Variants in SYNE1 observed in about 807,000 individuals in gnomAD.
The protein encoded by SYNE1 is nesprin-1.
A neutral mutation model predicts 1,111.0 loss-of-function variants in SYNE1; 616 were observed. That is an observed-to-expected ratio of 0.55 (90% CI 0.52 to 0.59). The LOEUF is 0.59. SYNE1 is among the 20% of genes least tolerant of loss of function. The pLI is 0.00. For missense variants in SYNE1, 10,006 were observed against 10,417.0 expected (o/e 0.96, Z 1.72); for synonymous variants, 3,855 against 3,825.8 (o/e 1.01, Z -0.28).
At chr6:152,213,397 A>G (rs2077916074) in intron 123 of SYNE1, among the ~76,000 whole-genome samples, 1 of 152,200 alleles carries the variant, frequency 6.6e-6, no homozygotes, top group African/African-American at 2.4e-5. Context: ...CTGAAGATTG[A>G]CACGTGCTTA....
chr6:152,204,680 C>T (rs1036051482), intron 126 of SYNE1, among the ~76,000 whole-genome samples: 2 of 152,154 alleles, frequency 1.3e-5, no homozygotes, highest in South Asian at 2.1e-4. Flanking sequence ...AGAGGGATTC[C>T]TCTTTCCAAG....
chr6:152,467,313 T>G (rs2098776139), intron 16 of SYNE1, among the ~76,000 whole-genome samples: 1 of 152,074 alleles, frequency 6.6e-6, no homozygotes, highest in African/African-American at 2.4e-5. Context: ...TTATATCTTC[T>G]TATTACAACC....
intron 56 of SYNE1, chr6:152,380,712 G>C: frequency 2.5e-6 from 1 of 392,938 alleles, no homozygotes; most frequent in South Asian, 2.4e-5. Flanking sequence ...TTTTCAGACT[G>C]AATGGCTGAA....
At position 152,148,200 on chromosome 6, in the gene SYNE1, G is replaced by T; in HGVS notation, c.24821C>A (p.Thr8274Asn). 3 of 1,614,212 alleles carry T rather than the reference G, an allele frequency of 1.9e-6. No individual in the cohort carries two copies. The highest frequency in any genetic ancestry group is 2.5e-6 in the Non-Finnish European group (3 of 1,180,042). The change falls in exon 137 of 146, where the codon ACC becomes AAC. Residue 8274 changes from threonine (T) to asparagine (N), a missense_variant. Coordinates refer to ENST00000367255, the MANE Select transcript of SYNE1 (RefSeq NM_182961.4). This position sits in a 1 kb window ranked among gnomAD's most constrained non-coding sequence, Gnocchi z 4.1. ...PLRSERSGRD[T>N]PASVDSIPLE... Reference sequence around the variant, plus strand: ...GGGGATGGAGTCCACACTAGCCGGGGTGTCTCGTCCTGACCGCTCGCTCCG... The same window carrying T: ...GGGGATGGAGTCCACACTAGCCGGGTTGTCTCGTCCTGACCGCTCGCTCCG...
At chr6:152,382,869 A>C (rs964774587) in intron 55 of SYNE1, among the ~76,000 whole-genome samples, 2 of 152,198 alleles carry the variant, frequency 1.3e-5, no homozygotes, top group Middle Eastern at 3.2e-3. Flanking sequence ...GGACATCATC[A>C]TTGTCAAGAG....
At chr6:152,139,908 GCTCT>G in intron 140 of SYNE1, 38 bp downstream of exon 140, 1 of 1,576,586 alleles carries the variant, frequency 6.3e-7, no homozygotes, top group East Asian at 2.3e-5. Context: ...TCACGCGGTG[GCTCT>G]CTGTTTGTCC....
intron 27 of SYNE1, 35 bp downstream of exon 27, chr6:152,450,590 A>G: frequency 1.3e-6 from 2 of 1,553,076 alleles, no homozygotes; most frequent in Middle Eastern, 1.8e-4. Flanking sequence ...ATTAAGTTTG[A>G]CTACACCCCT....
chr6:152,605,893 G>A (rs1049831460), intron 3 of SYNE1, among the ~76,000 whole-genome samples: 11 of 151,992 alleles, frequency 7.2e-5, no homozygotes, highest in South Asian at 2.1e-4. Context: ...TAAAATAGGC[G>A]GAGTATGTTA....
At chr6:152,397,736 C>T (rs1001994351) in intron 49 of SYNE1, among the ~76,000 whole-genome samples, 1 of 152,166 alleles carries the variant, frequency 6.6e-6, no homozygotes, top group Non-Finnish European at 1.5e-5. Flanking sequence ...GGCATGGTGG[C>T]TCATGTTTGT....
intron 21 of SYNE1, 75 bp downstream of exon 21, chr6:152,461,522 G>T: frequency 1.3e-6 from 2 of 1,582,852 alleles, no homozygotes; most frequent in Non-Finnish European, 8.7e-7. Context: ...TGCCCATGGG[G>T]AGAAGGAGGT....
intron 101 of SYNE1, among the ~76,000 whole-genome samples, chr6:152,258,087 C>T (rs755606961): frequency 1.4e-4 from 21 of 151,994 alleles, no homozygotes; most frequent in African/African-American, 2.9e-4. Context: ...TTTTCTAAAG[C>T]GTCATTCAAT....
At chr6:152,135,476 G>A (rs567147205) in intron 141 of SYNE1, among the ~76,000 whole-genome samples, 2 of 152,172 alleles carry the variant, frequency 1.3e-5, no homozygotes, top group African/African-American at 2.4e-5. Context: ...ATCAACATAC[G>A]TTATTTCTGA....
chr6:152,381,190 CT>C lies in SYNE1; in HGVS notation c.8824del (p.Ser2942AlafsTer35). The C allele has an allele frequency of 6.2e-7, 1 of 1,614,236 alleles. No homozygotes were observed. ...CTGGCTGACCAGGTTCTCCAAACAG[CT>C]CTGCGTTTGGAATACACTGTCTTCC... ...QWEDSVFQTQ[S>X]CLENLVSQMA... On this transcript the variant is annotated frameshift_variant, in exon 56 of 146. Coordinates refer to ENST00000367255, the MANE Select transcript of SYNE1 (RefSeq NM_182961.4). LOFTEE classifies it high-confidence loss of function.
In SYNE1 at chr6:152,449,552, T is replaced by A; in HGVS notation, c.3485A>T (p.Glu1162Val). ...ACTTACTTCAACGGCACGTTTAACC[T>A]CTCCGTGGTTGGCAGTATCGATGGC... The part of the protein sequence containing the change: ...GEAIDTANHG[E>V]VKRAVEEIRN... Residue 1162 changes from glutamate (E) to valine (V), a missense_variant, in exon 28 of 146, where the codon GAG (glutamate) becomes GTG (valine). Glu to Val is a moderately radical substitution (Grantham distance 121). This residue lies in a region of SYNE1 where 1,971 missense variants were observed against 2,084.1 expected (regional missense o/e 0.95). Transcript: ENST00000367255. 1 of 1,613,994 alleles carries A rather than the reference T, an allele frequency of 6.2e-7. No homozygotes were observed. The highest frequency in any genetic ancestry group is 8.5e-7 in the Non-Finnish European group (1 of 1,179,870).
At position 152,347,123 on chromosome 6, in the gene SYNE1, TTTTG is replaced by T. The variant is rs1288075490; in HGVS notation, c.12010_12013del (p.Gln4004ThrfsTer55). The T allele has an allele frequency of 3.1e-6, 5 of 1,614,080 alleles. No individual in the cohort carries two copies. Among genetic ancestry groups the T allele is most frequent in the Admixed American group, 1.7e-5 (1 of 60,002 alleles). ...TGTGCCCTGCAGATGAGCATGCACGTTTTGTTTAAGTTTCGCTTGCAGGTGGTCT... is the reference window on the plus strand; with the variant it reads ...TGTGCCCTGCAGATGAGCATGCACGTTTTAAGTTTCGCTTGCAGGTGGTCT... On this transcript the variant is annotated frameshift_variant, in exon 73 of 146. Coordinates refer to ENST00000367255, the MANE Select transcript of SYNE1 (RefSeq NM_182961.4). LOFTEE classifies it high-confidence loss of function.
chr6:152,356,030 T>C (rs2096831264), intron 66 of SYNE1, among the ~76,000 whole-genome samples: 1 of 152,210 alleles, frequency 6.6e-6, no homozygotes, highest in Non-Finnish European at 1.5e-5. Context: ...AACAAATACA[T>C]AAACTTTATT....
At position 152,308,650 on chromosome 6, in the gene SYNE1, AAC is replaced by A; in HGVS notation, c.17203-20_17203-19del. ...ACAGCTTCCTTTGAAAAAAAAAAAAAACAGAAAGATAGACAGTTTTTTTTCTC... is the reference window on the plus strand; with the variant it reads ...ACAGCTTCCTTTGAAAAAAAAAAAAAAGAAAGATAGACAGTTTTTTTTCTC... On this transcript the variant is annotated intron_variant, in intron 90 of 145. Coordinates refer to ENST00000367255, the MANE Select transcript of SYNE1 (RefSeq NM_182961.4). 1 of 1,589,984 alleles carries A rather than the reference AAC, an allele frequency of 6.3e-7. No homozygotes were observed. Among genetic ancestry groups the A allele is most frequent in the Non-Finnish European group, 8.5e-7 (1 of 1,175,130 alleles).
At chr6:152,363,647 G>A (rs537788988) in intron 63 of SYNE1, 30 of 424,778 alleles carry the variant, frequency 7.1e-5, no homozygotes, top group African/African-American at 2.7e-4. Context: ...CCACACCCCC[G>A]GATCACACCA....
Position 152,391,496 on chromosome 6 carries a change from G to A in SYNE1, c.7785C>T (p.Gly2595=). The A allele has an allele frequency of 6.2e-7, 1 of 1,611,600 alleles. No individual in the cohort carries two copies. Among genetic ancestry groups the A allele is most frequent in the Non-Finnish European group, 8.5e-7 (1 of 1,179,716 alleles). ...SEEGHGAGQE[G]RLCSQLLTSH... ...TTGTGAGGAGCTGGGAACACAGGCG[G>A]CCCTCCTGCCCAGCACCGTGGCCTT... is the stretch of plus-strand genomic sequence containing the variant. Residue 2595 remains glycine (G), a synonymous_variant, in exon 52 of 146, where the codon GGC becomes GGT. Transcript: ENST00000367255.
Sources: allele counts gnomAD v4.1 joint callset (sites outside exome capture counted in the v4.1 genomes callset), GRCh38; gene constraint gnomAD v4.1.1; regional missense constraint gnomAD v4.1.1; non-coding constraint Gnocchi (gnomAD v3.1); transcripts MANE v1.5; gene names NCBI Gene and HGNC (gene_info 2026-07-23, HGNC 2026-07-21).